The following DGKB variants were observed in gnomAD, a reference collection of about 807,000 sequenced individuals.
The protein encoded by DGKB is 90 kDa diacylglycerol kinase.
Under a neutral mutation model 114.3 loss-of-function variants are expected in DGKB, and 67 were observed. The observed-to-expected ratio is 0.59, with a 90% CI of 0.48 to 0.72. DGKB has a LOEUF of 0.72. Ranked by LOEUF, DGKB falls within the 30% of genes least tolerant of loss-of-function variation. The pLI is 0.00. For synonymous variants in DGKB, 398 were observed against 323.1 expected (o/e 1.23, Z -2.49); for missense variants, 907 against 975.2 (o/e 0.93, Z 0.93).
chr7:14,402,005 T>A (rs1823195872), intron 21 of DGKB, among the ~76,000 whole-genome samples: 1 of 151,470 alleles, frequency 6.6e-6, no homozygotes, highest in South Asian at 2.1e-4. Context: ...TCAGCTATGA[T>A]GAATCATTGC....
At chr7:14,514,085 A>G (rs1206904402) in intron 20 of DGKB, among the ~76,000 whole-genome samples, 1 of 152,092 alleles carries the variant, frequency 6.6e-6, no homozygotes, top group African/African-American at 2.4e-5. Context: ...GCCAATGGAA[A>G]CCCTACTAAT....
At chr7:14,898,785 C>T (rs1027791053) in intron 1 of DGKB, among the ~76,000 whole-genome samples, 11 of 152,058 alleles carry the variant, frequency 7.2e-5, no homozygotes, top group Admixed American at 4.6e-4. Flanking sequence ...GCATCCAGTT[C>T]GCTTATGGAG....
intron 1 of DGKB, among the ~76,000 whole-genome samples, chr7:14,930,758 G>C (rs1221747056): frequency 6.6e-6 from 1 of 152,140 alleles, no homozygotes; most frequent in Non-Finnish European, 1.5e-5. Flanking sequence ...TAGGAGTGGT[G>C]AGAATGGGCA....
intron 1 of DGKB, among the ~76,000 whole-genome samples, chr7:14,853,874 A>C: frequency 9.1e-6 from 1 of 109,428 alleles, no homozygotes; most frequent in Admixed American, 8.0e-5. Flanking sequence ...TCTCAAAAAA[A>C]AAAAAAAAAA....
At chr7:14,738,906 AAAAC>A (rs1433182644) in intron 4 of DGKB, among the ~76,000 whole-genome samples, 1 of 152,212 alleles carries the variant, frequency 6.6e-6, no homozygotes, top group Non-Finnish European at 1.5e-5. Flanking sequence ...ACAAACAAAC[AAAAC>A]AAACAAAAAC....
chr7:14,894,223 A>C (rs932405721), intron 1 of DGKB, among the ~76,000 whole-genome samples: 2 of 151,544 alleles, frequency 1.3e-5, no homozygotes, highest in Non-Finnish European at 3.0e-5. Flanking sequence ...TTAATATTTA[A>C]ATAAGGAAGA....
intron 21 of DGKB, among the ~76,000 whole-genome samples, chr7:14,348,720 G>A (rs909849760): frequency 6.6e-6 from 1 of 151,830 alleles, no homozygotes; most frequent in African/African-American, 2.4e-5. Context: ...AATGAAATAT[G>A]AGCCAAGTAT....
At chr7:14,845,119 AAAAAAAAAAAAAAAAAAAAAG>A (rs891871906) in intron 1 of DGKB, among the ~76,000 whole-genome samples, 13 of 55,540 alleles carry the variant, frequency 2.3e-4, no homozygotes, top group Non-Finnish European at 4.4e-4. Flanking sequence ...AAAAAAAAAA[AAAAAAAAAAAAAAAAAAAAAG>A]AAAGAAAGAA....
At chr7:14,676,105 G>A (rs188467940) in intron 12 of DGKB, among the ~76,000 whole-genome samples, 349 of 152,136 alleles carry the variant, frequency 2.3e-3, no homozygotes, top group African/African-American at 7.4e-3. Flanking sequence ...ACTTAAAATT[G>A]CTCTAAATCA....
chr7:14,481,518 A>C (rs1584280470), intron 20 of DGKB, among the ~76,000 whole-genome samples: 1 of 151,932 alleles, frequency 6.6e-6, no homozygotes, highest in Non-Finnish European at 1.5e-5. Flanking sequence ...AGTTTCTAAA[A>C]TTTGTCGAGT....
chr7:14,234,756 G>A (rs574229487), intron 23 of DGKB, among the ~76,000 whole-genome samples: 3 of 151,978 alleles, frequency 2.0e-5, no homozygotes, highest in Non-Finnish European at 2.9e-5. Context: ...AGGTGATGTA[G>A]GGGGAGTATT....
intron 15 of DGKB, 90 bp downstream of exon 15, chr7:14,621,288 C>G (rs1807593125): frequency 1.3e-6 from 1 of 742,164 alleles, no homozygotes; most frequent in African/African-American, 1.8e-5. Flanking sequence ...GCAGATTAAA[C>G]AAATGTGTTG....
At chr7:14,916,674 G>A (rs1229991544) in intron 1 of DGKB, among the ~76,000 whole-genome samples, 3 of 152,012 alleles carry the variant, frequency 2.0e-5, no homozygotes, top group Non-Finnish European at 2.9e-5. Flanking sequence ...AAGAGAAATA[G>A]AAAATTCATT....
chr7:14,346,198 T>C (rs1812446318), intron 21 of DGKB, among the ~76,000 whole-genome samples: 1 of 151,822 alleles, frequency 6.6e-6, no homozygotes, highest in Non-Finnish European at 1.5e-5. Flanking sequence ...CTTATAAATA[T>C]TGATATCTGC....
rs28635171 is a variant in DGKB at position 14,468,575 on chromosome 7, C to A, written c.1835+9586G>T. Among the ~76,000 whole-genome samples, 177 of 148,864 alleles carry A rather than the reference C, an allele frequency of 1.2e-3. 5 individuals are homozygous for A. The highest frequency in any genetic ancestry group is 4.4e-3 in the African/African-American group (172 of 39,296). Reference sequence around the variant, plus strand: ...ATATAATATTATCTATGTAATATATCTGTTACATATATATATTGTTGTCAG... The same window carrying A: ...ATATAATATTATCTATGTAATATATATGTTACATATATATATTGTTGTCAG... On this transcript the variant is annotated intron_variant, in intron 21 of 25. Coordinates refer to ENST00000402815, the MANE Select transcript of DGKB (RefSeq NM_001350709.2).
intron 1 of DGKB, among the ~76,000 whole-genome samples, chr7:14,880,401 T>A (rs1242496402): frequency 6.6e-6 from 1 of 152,174 alleles, no homozygotes; most frequent in African/African-American, 2.4e-5. Context: ...TAGGTTGCTC[T>A]GAGCCAAGAC....
intron 1 of DGKB, among the ~76,000 whole-genome samples, chr7:14,884,532 A>C (rs892010616): frequency 3.9e-5 from 6 of 151,960 alleles, no homozygotes; most frequent in Non-Finnish European, 7.4e-5. Context: ...ACATGGAGAT[A>C]AATATCTTCC....
At chr7:14,157,375 GTT>G (rs5882430) in intron 25 of DGKB, among the ~76,000 whole-genome samples, 264 of 145,100 alleles carry the variant, frequency 1.8e-3, no homozygotes, top group African/African-American at 6.4e-3. Context: ...CCTTTTGCCA[GTT>G]TTTTTTTTTT....
At chr7:14,567,613 ATC>A (rs1183643212) in intron 20 of DGKB, among the ~76,000 whole-genome samples, 3 of 123,552 alleles carry the variant, frequency 2.4e-5, no homozygotes, top group African/African-American at 9.5e-5. Context: ...ATATATATAT[ATC>A]TTTTTTATTG....
Sources: allele counts gnomAD v4.1 joint callset (sites outside exome capture counted in the v4.1 genomes callset), GRCh38; gene constraint gnomAD v4.1.1; transcripts MANE v1.5; gene names NCBI Gene and HGNC (gene_info 2026-07-23, HGNC 2026-07-21).